RUNX1: variants seen among roughly 807,000 people sequenced by gnomAD.
RUNX1 encodes runt-related transcription factor 1.
Under a neutral mutation model 42.8 loss-of-function variants are expected in RUNX1, and 19 were observed. The ratio of observed to expected loss-of-function variants is 0.44; its 90% CI spans 0.31 to 0.65. RUNX1 has a LOEUF of 0.65. Ranked by LOEUF, RUNX1 falls within the 30% of genes least tolerant of loss-of-function variation. The pLI is 0.07. For missense variants in RUNX1, 528 were observed against 672.0 expected (o/e 0.79, Z 2.37); for synonymous variants, 271 against 289.4 (o/e 0.94, Z 0.64).
intron 7 of RUNX1, among the ~76,000 whole-genome samples, chr21:34,820,206 G>A (rs1467631165): frequency 1.3e-5 from 2 of 152,184 alleles, no homozygotes; most frequent in Admixed American, 6.5e-5. Flanking sequence ...CGGAGGGTGG[G>A]CATGGCTTTG....
At position 34,788,809 on chromosome 21, in the gene RUNX1, G is replaced by A. The variant is rs1441214501; in HGVS notation, c.*3326C>T. The A allele has an allele frequency of 4.3e-6, 1 of 233,546 alleles. No individual in the cohort carries two copies. The highest frequency in any genetic ancestry group is 8.5e-6 in the Non-Finnish European group (1 of 118,034). The allele number at this position is 233,546 out of a possible 1,614,324, so 14.5% of individuals were successfully genotyped here. A position where few individuals can be genotyped will look rare whatever the true frequency, so the allele number is the denominator to read the frequency against. ...TTCAGATGTAAAATATGTTTTGTGA[G>A]ATTATTGTCAAACAAATTTTCATGT... On this transcript the variant is annotated 3_prime_UTR_variant, in exon 9 of 9. Transcript: ENST00000675419.
At chr21:34,811,278 G>C (rs2056755175) in intron 7 of RUNX1, among the ~76,000 whole-genome samples, 1 of 152,230 alleles carries the variant, frequency 6.6e-6, no homozygotes, top group South Asian at 2.1e-4. Flanking sequence ...ATAAACGCGA[G>C]TGAAATCAAA....
At chr21:35,027,590 G>C (rs2059246538) in intron 2 of RUNX1, among the ~76,000 whole-genome samples, 1 of 152,214 alleles carries the variant, frequency 6.6e-6, no homozygotes, top group African/African-American at 2.4e-5. Context: ...AGGTTCCAAA[G>C]GGAAGGAAAG....
chr21:34,796,142 G>GGAAA (rs2056524603), intron 8 of RUNX1, among the ~76,000 whole-genome samples: 1 of 152,172 alleles, frequency 6.6e-6, no homozygotes, highest in Non-Finnish European at 1.5e-5. Context: ...TGATGTTATG[G>GGAAA]TCTCAGCTGT....
At position 34,843,026 on chromosome 21, in the gene RUNX1, T is replaced by C. The variant is rs117419053; in HGVS notation, c.614-8425A>G. On this transcript the variant is annotated intron_variant, in intron 6 of 8. Coordinates refer to ENST00000675419, the MANE Select transcript of RUNX1 (RefSeq NM_001754.5). The surrounding 1 kb of genome is among the most constrained non-coding windows in gnomAD (Gnocchi z 4.8). ...CAGAAGTTGCAATGAGCCAAGATCA[T>C]GCCAGTGCACTCCAGCCTGAGCGAC... Among the ~76,000 whole-genome samples the C allele has an allele frequency of 0.032, 4,803 of 152,194 alleles. 93 individuals carry two copies. Among genetic ancestry groups the C allele is most frequent in the African/African-American group, 0.056 (2,309 of 41,502 alleles).
chr21:34,881,064 T>C (rs2057897575), intron 4 of RUNX1, among the ~76,000 whole-genome samples: 1 of 152,192 alleles, frequency 6.6e-6, no homozygotes, highest in Non-Finnish European at 1.5e-5. Context: ...GTAGGTCACA[T>C]AGCACAGTTG....
intron 3 of RUNX1, among the ~76,000 whole-genome samples, chr21:34,892,375 G>A (rs1426232798): frequency 6.6e-6 from 1 of 152,158 alleles, no homozygotes; most frequent in African/African-American, 2.4e-5. Flanking sequence ...ATGAGAGGGG[G>A]GAGGAGAGCC....
intron 2 of RUNX1, among the ~76,000 whole-genome samples, chr21:35,000,369 T>C (rs2059032220): frequency 6.6e-6 from 1 of 151,268 alleles, no homozygotes; most frequent in African/African-American, 2.4e-5. Flanking sequence ...GCCTCCTGAG[T>C]AGCTGGGACT....
At chr21:34,809,080 C>G (rs1041649629) in intron 7 of RUNX1, among the ~76,000 whole-genome samples, 1 of 152,180 alleles carries the variant, frequency 6.6e-6, no homozygotes, top group Non-Finnish European at 1.5e-5. Context: ...TAAGGATCTT[C>G]TGCACTGTGC....
At chr21:34,889,821 G>A in intron 3 of RUNX1, 1 of 1,114,990 alleles carries the variant, frequency 9.0e-7, no homozygotes, top group Non-Finnish European at 1.1e-6. Context: ...CCTCCCAGCG[G>A]AGGCTGCTCC....
chr21:35,029,708 T>C (rs1478312929), intron 2 of RUNX1, among the ~76,000 whole-genome samples: 1 of 152,218 alleles, frequency 6.6e-6, no homozygotes, highest in Non-Finnish European at 1.5e-5. Flanking sequence ...GGGGATCTTT[T>C]GACCTCTGTA....
intron 2 of RUNX1, among the ~76,000 whole-genome samples, chr21:35,034,602 C>T (rs1343800768): frequency 6.6e-6 from 1 of 152,116 alleles, no homozygotes; most frequent in Non-Finnish European, 1.5e-5. Context: ...TTGGTTGTGG[C>T]AACATGAGGA....
intron 5 of RUNX1, among the ~76,000 whole-genome samples, chr21:34,861,349 C>G (rs2057572574): frequency 6.6e-6 from 1 of 152,156 alleles, no homozygotes; most frequent in African/African-American, 2.4e-5. Context: ...CTGGGGGCAA[C>G]TGCCCATCTC....
At chr21:34,872,618 G>T (rs899536243) in intron 5 of RUNX1, among the ~76,000 whole-genome samples, 3 of 152,216 alleles carry the variant, frequency 2.0e-5, no homozygotes, top group Non-Finnish European at 2.9e-5. Flanking sequence ...TAGGGAGGCA[G>T]AATGTCAGAA....
intron 5 of RUNX1, among the ~76,000 whole-genome samples, chr21:34,869,526 T>A (rs1361725150): frequency 6.6e-6 from 1 of 151,998 alleles, no homozygotes; most frequent in Non-Finnish European, 1.5e-5. Context: ...TAATCTAGAG[T>A]TCAGGGATTT....
At chr21:34,870,255 T>C (rs1452322745) in intron 5 of RUNX1, among the ~76,000 whole-genome samples, 1 of 152,230 alleles carries the variant, frequency 6.6e-6, no homozygotes, top group Non-Finnish European at 1.5e-5. Context: ...CCCCATGGTG[T>C]TGGTGTCACT....
chr21:34,894,680 C>G (rs192653018), intron 2 of RUNX1, among the ~76,000 whole-genome samples: 1 of 152,152 alleles, frequency 6.6e-6, no homozygotes, highest in East Asian at 1.9e-4. Context: ...CTTGCATGCT[C>G]TCTCTCTGTC....
intron 2 of RUNX1, among the ~76,000 whole-genome samples, chr21:35,036,875 C>T (rs78663639): frequency 0.12 from 18,766 of 152,120 alleles, 1,244 homozygotes; most frequent in Middle Eastern, 0.2. Flanking sequence ...GCAAGCTTCA[C>T]GGAAAACCCT....
At chr21:34,993,194 C>A (rs889024738) in intron 2 of RUNX1, among the ~76,000 whole-genome samples, 4 of 152,188 alleles carry the variant, frequency 2.6e-5, no homozygotes, top group Non-Finnish European at 5.9e-5. Flanking sequence ...CTTCCCAGAG[C>A]AGAAGGCCAA....
Sources: allele counts gnomAD v4.1 joint callset (sites outside exome capture counted in the v4.1 genomes callset), GRCh38; gene constraint gnomAD v4.1.1; non-coding constraint Gnocchi (gnomAD v3.1); transcripts MANE v1.5; gene names NCBI Gene and HGNC (gene_info 2026-07-23, HGNC 2026-07-21).